Variants in GPR158 observed in about 807,000 individuals in gnomAD.
GPR158 encodes metabotropic glycine receptor.
In GPR158, 30 loss-of-function variants were observed where a neutral mutation model predicts 78.2. The observed-to-expected ratio is 0.38, with a 90% CI of 0.29 to 0.52. The LOEUF (loss-of-function observed/expected upper bound fraction) is 0.52, where lower values mean the gene tolerates loss of function less well. GPR158 is among the 20% of genes least tolerant of loss of function. The pLI is 0.83. For missense variants in GPR158, 1,463 were observed against 1,523.5 expected, an observed-to-expected ratio of 0.96 and a Z score of 0.66; for synonymous variants, 581 against 591.1, an observed-to-expected ratio of 0.98 and a Z score of 0.25.
chr10:25,386,951 T>C (rs1038900475), intron 2 of GPR158, among the ~76,000 whole-genome samples: 16 of 152,184 alleles, frequency 1.1e-4, no homozygotes, highest in African/African-American at 3.9e-4. Flanking sequence ...AATTTCCTTT[T>C]TGGATGCCCT....
chr10:25,548,004 C>T (rs1314117036), intron 5 of GPR158, among the ~76,000 whole-genome samples: 3 of 152,052 alleles, frequency 2.0e-5, no homozygotes, highest in African/African-American at 7.2e-5. Context: ...TTTTTTATGG[C>T]TTCCAAATCC....
chr10:25,562,980 A>G (rs1010666258), intron 6 of GPR158, among the ~76,000 whole-genome samples: 9 of 152,184 alleles, frequency 5.9e-5, no homozygotes, highest in Non-Finnish European at 1.2e-4. Flanking sequence ...AGATATGTTC[A>G]TAACTGTTCA....
rs770315576 is a variant in GPR158, at chr10:25,598,711, G to A, written c.3085G>A (p.Val1029Ile). ...VPSESKVQKHVSIVASEMEKN... is the reference protein window; with the variant it reads ...VPSESKVQKHISIVASEMEKN... Reference sequence around the variant, plus strand: ...TTCAGAATCAAAAGTTCAAAAGCACGTATCTATTGTGGCTTCTGAAATGGA... The same window carrying A: ...TTCAGAATCAAAAGTTCAAAAGCACATATCTATTGTGGCTTCTGAAATGGA... The change falls in exon 11 of 11, where the codon GTA becomes ATA. Residue 1029 changes from valine (V) to isoleucine (I), a missense_variant. Physicochemically the swap from Val to Ile is conservative, Grantham distance 29 (BLOSUM62 3). Coordinates refer to ENST00000376351, the MANE Select transcript of GPR158 (RefSeq NM_020752.3). The A allele has an allele frequency of 1.4e-5, 22 of 1,613,818 alleles. No individual in the cohort carries two copies. The highest frequency in any genetic ancestry group is 5.3e-5 in the African/African-American group (4 of 74,854).
intron 2 of GPR158, among the ~76,000 whole-genome samples, chr10:25,268,771 T>C (rs1389107865): frequency 6.6e-6 from 1 of 152,152 alleles, no homozygotes; most frequent in Non-Finnish European, 1.5e-5. Flanking sequence ...GCTGCCAACC[T>C]TCGCCTTCAC....
At chr10:25,256,718 C>G (rs922650608) in intron 2 of GPR158, among the ~76,000 whole-genome samples, 36 of 152,028 alleles carry the variant, frequency 2.4e-4, no homozygotes, top group African/African-American at 8.5e-4. Flanking sequence ...AAAATAAAAA[C>G]AATAGTATGC....
At position 25,185,747 on chromosome 10, in the gene GPR158, C is replaced by T. The variant is rs1016224135; in HGVS notation, c.902+9425C>T. Among the ~76,000 whole-genome samples, 10 of 151,872 alleles carry T rather than the reference C, an allele frequency of 6.6e-5. No individual in the cohort carries two copies. In the East Asian group the frequency reaches 7.7e-4, roughly 12 times the overall value. ...CTGAGGCAGGAGAATGGCGTGAACCCGGGAGGCAGAGCTTGCAGTGAGCCG... is the reference window on the plus strand; with the variant it reads ...CTGAGGCAGGAGAATGGCGTGAACCTGGGAGGCAGAGCTTGCAGTGAGCCG... On this transcript the variant is annotated intron_variant, in intron 1 of 10. Transcript: ENST00000376351.
intron 4 of GPR158, among the ~76,000 whole-genome samples, chr10:25,456,346 TCAAA>T (rs796681760): frequency 3.9e-5 from 6 of 152,326 alleles, no homozygotes; most frequent in African/African-American, 1.2e-4. Flanking sequence ...TCTCCAAATG[TCAAA>T]CAAAACAGGA....
intron 9 of GPR158, among the ~76,000 whole-genome samples, chr10:25,595,494 C>T (rs1251017772): frequency 1.3e-5 from 2 of 152,084 alleles, no homozygotes; most frequent in Non-Finnish European, 2.9e-5. Context: ...AAAGTAGAAA[C>T]AACCCAAATG....
intron 4 of GPR158, among the ~76,000 whole-genome samples, chr10:25,452,198 C>T (rs1251490190): frequency 7.5e-6 from 1 of 132,776 alleles, no homozygotes; most frequent in Non-Finnish European, 1.5e-5. Context: ...CCACCATGCC[C>T]AGAAACCTTT....
At chr10:25,526,073 C>T (rs1836342805) in intron 5 of GPR158, among the ~76,000 whole-genome samples, 1 of 136,646 alleles carries the variant, frequency 7.3e-6, no homozygotes, top group Admixed American at 7.9e-5. Flanking sequence ...TGCCACTGCA[C>T]TCCAGCCTGG....
chr10:25,349,101 C>A (rs181390579), intron 2 of GPR158, among the ~76,000 whole-genome samples: 1 of 152,014 alleles, frequency 6.6e-6, no homozygotes, highest in Non-Finnish European at 1.5e-5. Flanking sequence ...TCTCACTGAA[C>A]TAAAGTCAGG....
chr10:25,196,806 G>C (rs772653405), intron 1 of GPR158, among the ~76,000 whole-genome samples: 5 of 152,218 alleles, frequency 3.3e-5, no homozygotes, highest in Non-Finnish European at 7.3e-5. Flanking sequence ...CTGTGCTGTA[G>C]GGAGGGGATG....
intron 2 of GPR158, among the ~76,000 whole-genome samples, chr10:25,262,151 A>G (rs926562287): frequency 1.3e-5 from 2 of 152,170 alleles, no homozygotes; most frequent in East Asian, 1.9e-4. Context: ...TGTCTACAAG[A>G]TAAAAGGTAT....
chr10:25,585,390 G>A (rs1240543739), intron 7 of GPR158, among the ~76,000 whole-genome samples: 13 of 152,190 alleles, frequency 8.5e-5, no homozygotes, highest in South Asian at 6.2e-4. Flanking sequence ...TTCCTGCCCC[G>A]TAGTTCATAA....
chr10:25,516,947 C>T (rs1387378146), intron 5 of GPR158, among the ~76,000 whole-genome samples: 11 of 146,594 alleles, frequency 7.5e-5, no homozygotes, highest in African/African-American at 2.7e-4. Context: ...ATTGAATCTG[C>T]AAATTACCTT....
chr10:25,580,007 C>A (rs969665103), intron 7 of GPR158, among the ~76,000 whole-genome samples: 1 of 152,186 alleles, frequency 6.6e-6, no homozygotes. Context: ...CCCTACCCTC[C>A]ACCTCTCTTC....
intron 2 of GPR158, among the ~76,000 whole-genome samples, chr10:25,271,538 C>T (rs1054303704): frequency 6.6e-6 from 1 of 152,182 alleles, no homozygotes; most frequent in African/African-American, 2.4e-5. Context: ...GATGGACATA[C>T]TCTCTTCCAT....
chr10:25,407,197 C>T (rs993382551), intron 3 of GPR158, among the ~76,000 whole-genome samples: 2 of 152,088 alleles, frequency 1.3e-5, no homozygotes, highest in South Asian at 2.1e-4. Flanking sequence ...TTAGCTGTTT[C>T]GTAGTGGCAA....
At chr10:25,481,966 T>G (rs1484889677) in intron 5 of GPR158, among the ~76,000 whole-genome samples, 1 of 152,186 alleles carries the variant, frequency 6.6e-6, no homozygotes, top group Non-Finnish European at 1.5e-5. Context: ...GCCATCATTT[T>G]GAAATCACAT....
Sources: gnomAD v4.1 joint callset for allele counts (sites outside exome capture counted in the v4.1 genomes callset) on GRCh38, gnomAD v4.1.1 for gene constraint, MANE v1.5 for transcripts, NCBI Gene and HGNC (gene_info 2026-07-23, HGNC 2026-07-21) for gene names.